The following FBXL20 variants were observed in gnomAD, a reference collection of about 807,000 sequenced individuals.
FBXL20 encodes the protein F-box/LRR-repeat protein 20.
In FBXL20, 11 loss-of-function variants were observed where a neutral mutation model predicts 64.0. That is an observed-to-expected ratio of 0.17 (90% CI 0.11 to 0.28). The LOEUF is 0.28. Ranked by LOEUF, FBXL20 falls within the 10% of genes least tolerant of loss-of-function variation. The pLI is 1.00. For missense variants in FBXL20, 303 were observed against 526.2 expected (o/e 0.58, Z 4.15); for synonymous variants, 184 against 189.0 (o/e 0.97, Z 0.22).
rs193264613 is a variant in FBXL20, at chr17:39,297,038, G to T, written c.398+89C>A. The stretch of plus-strand genomic sequence containing the variant: ...CCTCTACAAAACCAAGATAAAATTT[G>T]CTCAATAGAGTTAATGGCCTGAATT... On this transcript the variant is annotated intron_variant, in intron 6 of 14. Coordinates refer to ENST00000264658, the MANE Select transcript of FBXL20 (RefSeq NM_032875.3). 472 of 727,622 alleles carry T rather than the reference G, an allele frequency of 6.5e-4. 4 individuals carry two copies. In the African/African-American group the frequency reaches 7.4e-3, roughly 11 times the overall value. The allele number at this position is 727,622 out of a possible 1,614,324, so 45.1% of individuals were successfully genotyped here.
intron 2 of FBXL20, among the ~76,000 whole-genome samples, chr17:39,341,114 C>A (rs1367204500): frequency 1.3e-5 from 2 of 150,994 alleles, no homozygotes; most frequent in African/African-American, 4.9e-5. Flanking sequence ...TAAATACATT[C>A]ATAAGTATTA....
intron 2 of FBXL20, among the ~76,000 whole-genome samples, chr17:39,341,652 T>C (rs2047584214): frequency 6.6e-6 from 1 of 152,238 alleles, no homozygotes; most frequent in East Asian, 1.9e-4. Flanking sequence ...CTATTAGGCT[T>C]GGACATGTGA....
upstream of FBXL20, chr17:39,402,161 CCT>C (rs1401869630): frequency 8.1e-6 from 10 of 1,233,124 alleles, no homozygotes; most frequent in South Asian, 1.6e-4. Context: ...GCTCCCTTCC[CCT>C]GTCACTCACT....
chr17:39,282,926 T>C, intron 7 of FBXL20, 71 bp from the exon 8 acceptor site: 1 of 1,569,282 alleles, frequency 6.4e-7, no homozygotes, highest in South Asian at 1.1e-5. Context: ...TCTCAATTTA[T>C]TGGCTATTTA....
chr17:39,326,452 T>C (rs1226986260), intron 2 of FBXL20, among the ~76,000 whole-genome samples: 1 of 151,822 alleles, frequency 6.6e-6, no homozygotes, highest in African/African-American at 2.4e-5. Context: ...AAAACCCATC[T>C]CTACAAAAAA....
intron 9 of FBXL20, among the ~76,000 whole-genome samples, chr17:39,279,772 T>G (rs1056148843): frequency 1.3e-5 from 2 of 151,804 alleles, no homozygotes; most frequent in African/African-American, 2.4e-5. Flanking sequence ...GTGGCACATG[T>G]CTGTAGTCCC....
intron 2 of FBXL20, among the ~76,000 whole-genome samples, chr17:39,307,391 A>G (rs1399441294): frequency 1.3e-5 from 2 of 152,206 alleles, no homozygotes; most frequent in East Asian, 3.8e-4. Flanking sequence ...TGATCAAAGG[A>G]AACAGATTGC....
intron 10 of FBXL20, among the ~76,000 whole-genome samples, chr17:39,272,240 G>A (rs1448474461): frequency 1.3e-5 from 2 of 151,984 alleles, no homozygotes; most frequent in African/African-American, 4.8e-5. Context: ...CAAAAAATTA[G>A]TCAGGCATGG....
At chr17:39,381,955 G>A (rs1444819906) in intron 1 of FBXL20, among the ~76,000 whole-genome samples, 3 of 140,582 alleles carry the variant, frequency 2.1e-5, no homozygotes, top group African/African-American at 4.9e-5. Flanking sequence ...TTAGCTGGGC[G>A]TGGTGGCACA....
intron 2 of FBXL20, among the ~76,000 whole-genome samples, chr17:39,311,038 G>A (rs993502018): frequency 4.0e-5 from 6 of 151,556 alleles, no homozygotes; most frequent in South Asian, 2.1e-4. Context: ...TGGTATGCAC[G>A]TATATGTAGC....
intron 1 of FBXL20, among the ~76,000 whole-genome samples, chr17:39,345,164 A>C (rs564604277): frequency 7.2e-5 from 11 of 152,332 alleles, no homozygotes; most frequent in African/African-American, 2.6e-4. Flanking sequence ...ACATTACTGA[A>C]TACCCAATCA....
chr17:39,297,129 G>A lies in FBXL20; in HGVS notation c.396C>T (p.Asp132=), dbSNP rs184116877. 1.2e-5 allele frequency: 19 copies of A among 1,604,198 alleles called. No individual in the cohort carries two copies. In the Admixed American group the frequency reaches 1.3e-4, roughly 11 times the overall value. The change falls in exon 6 of 15, where the codon GAC becomes GAT. Residue 132 remains aspartate (D), a splice_region_variant and synonymous_variant. Transcript: ENST00000264658. ...CTCCAAAAACATAAAATACTTACGC[G>A]TCTGTTGTCTTTGTACACCCATTTA... ...LNLNGCTKTT[D]ATCTSLSKFC...
intron 6 of FBXL20, among the ~76,000 whole-genome samples, chr17:39,287,953 ATT>A (rs762829167): frequency 1.3e-3 from 194 of 148,032 alleles, no homozygotes; most frequent in Middle Eastern, 3.5e-3. Flanking sequence ...TTACTTTACA[ATT>A]CTGTAATGAA....
At chr17:39,332,228 AAT>A (rs761718241) in intron 2 of FBXL20, among the ~76,000 whole-genome samples, 5 of 152,254 alleles carry the variant, frequency 3.3e-5, no homozygotes, top group Admixed American at 1.3e-4. Flanking sequence ...CTCTGAAATG[AAT>A]ATGAGATTGC....
rs183573152 is a variant in FBXL20, at chr17:39,265,589, C to G, written c.934-136G>C. On this transcript the variant is annotated intron_variant, in intron 12 of 14. Coordinates refer to ENST00000264658, the MANE Select transcript of FBXL20 (RefSeq NM_032875.3). ...GGTGCAACTATAAGCTCACTGCAGCCTAAAACTTCTGGGCTCAAGCAATCT... is the reference window on the plus strand; with the variant it reads ...GGTGCAACTATAAGCTCACTGCAGCGTAAAACTTCTGGGCTCAAGCAATCT... The G allele has an allele frequency of 2.0e-4, 100 of 512,480 alleles. No homozygotes were observed. The African/African-American group carries it at 2.2e-3, about 11-fold the overall frequency. The allele number at this position is 512,480 out of a possible 1,614,324, so 31.7% of individuals were successfully genotyped here. A position where few individuals can be genotyped will look rare whatever the true frequency, so the allele number is the denominator to read the frequency against.
chr17:39,363,702 T>C (rs1446063670), intron 1 of FBXL20, among the ~76,000 whole-genome samples: 1 of 151,028 alleles, frequency 6.6e-6, no homozygotes, highest in Non-Finnish European at 1.5e-5. Context: ...TCCCAGCTAC[T>C]TGGGAGGAAG....
intron 1 of FBXL20, among the ~76,000 whole-genome samples, chr17:39,400,912 A>C (rs1211916374): frequency 6.6e-6 from 1 of 152,210 alleles, no homozygotes; most frequent in Non-Finnish European, 1.5e-5. Flanking sequence ...CCCTAGTTTC[A>C]CCAAGGTCTC....
Position 39,261,556 on chromosome 17 carries a change from G to T in FBXL20, c.1215C>A (p.Pro405=), listed in dbSNP as rs752738865. Residue 405 remains proline, a synonymous_variant, in exon 15 of 15, where the codon CCC becomes CCA. Transcript: ENST00000264658. ...CGAAGTAGGCGTGGACTTTAATATT[G>T]GGTAAATGGGTCTGAAACAAGACAG... ...AGIKRLRTHL[P]NIKVHAYFAP... is the part of the protein sequence containing the mutation. 3.7e-6 allele frequency: 6 copies of T among 1,611,352 alleles called. No homozygotes were observed. In the East Asian group the frequency reaches 8.9e-5, roughly 24 times the overall value.
chr17:39,394,417 C>A (rs972474545), intron 1 of FBXL20, among the ~76,000 whole-genome samples: 1 of 151,642 alleles, frequency 6.6e-6, no homozygotes, highest in African/African-American at 2.4e-5. Flanking sequence ...GGACTACAGG[C>A]ACCTGCCACC....
Sources: gnomAD v4.1 joint callset for allele counts (sites outside exome capture counted in the v4.1 genomes callset) on GRCh38, gnomAD v4.1.1 for gene constraint, MANE v1.5 for transcripts, NCBI Gene and HGNC (gene_info 2026-07-23, HGNC 2026-07-21) for gene names.